Variants in CPAP observed in about 807,000 individuals in gnomAD.
CPAP encodes the protein centrosomal P4.1-associated protein.
chr13:24,895,960 CTGTAA>C, the CPAP span, among the ~76,000 whole-genome samples: 1 of 152,110 alleles, frequency 6.6e-6, no homozygotes, highest in Admixed American at 6.5e-5. Context: ...TTCAACATAA[CTGTAA>C]TGTAAAGGAA....
the CPAP span, among the ~76,000 whole-genome samples, chr13:24,897,136 G>A: frequency 6.6e-6 from 1 of 152,162 alleles, no homozygotes; most frequent in Non-Finnish European, 1.5e-5. Context: ...CAGCTACTTG[G>A]GGAGCTGAGG....
At chr13:24,907,872 C>T in the CPAP span, 1 of 655,176 alleles carries the variant, frequency 1.5e-6, no homozygotes. Context: ...GTTGACAGTA[C>T]ATAATAGGTT....
the CPAP span, chr13:24,889,044 T>G: frequency 2.3e-6 from 1 of 440,032 alleles, no homozygotes; most frequent in African/African-American, 2.0e-5. Context: ...ATGCTTGCCC[T>G]CAAAAAGTTT....
chr13:24,892,919 T>A, the CPAP span: 1 of 1,273,278 alleles, frequency 7.9e-7, no homozygotes, highest in Non-Finnish European at 1.1e-6. Flanking sequence ...TTACCAGAAT[T>A]AAAACAATAG....
chr13:24,925,485 C>T, the CPAP span, among the ~76,000 whole-genome samples: 4 of 152,176 alleles, frequency 2.6e-5, no homozygotes, highest in Admixed American at 1.3e-4. Context: ...TGGTGTGCAC[C>T]TGTAGCCCTA....
chr13:24,905,867 C>A, the CPAP span: 1 of 1,614,136 alleles, frequency 6.2e-7, no homozygotes, highest in Non-Finnish European at 8.5e-7. Flanking sequence ...GCTGCTGATG[C>A]CCCTCTCTCT....
the CPAP span, among the ~76,000 whole-genome samples, chr13:24,918,659 T>C: frequency 1.3e-5 from 2 of 152,232 alleles, no homozygotes; most frequent in African/African-American, 4.8e-5. Context: ...TGAATCATCA[T>C]AAAGGTATTC....
the CPAP span, among the ~76,000 whole-genome samples, chr13:24,930,118 C>G: frequency 6.6e-6 from 1 of 151,708 alleles, no homozygotes; most frequent in African/African-American, 2.4e-5. Context: ...CGCTATGTTG[C>G]CAAGGCAAAC....
chr13:24,915,785 G>C, the CPAP span, among the ~76,000 whole-genome samples: 1 of 151,712 alleles, frequency 6.6e-6, no homozygotes, highest in South Asian at 2.1e-4. Context: ...GGCAACAAGT[G>C]CAAGACTCCA....
the CPAP span, among the ~76,000 whole-genome samples, chr13:24,891,474 G>A: frequency 7.2e-5 from 11 of 152,130 alleles, no homozygotes; most frequent in South Asian, 2.1e-4. Context: ...CCCTTCTTGC[G>A]GTTGCTCCTA....
chr13:24,919,107 T>C, the CPAP span, among the ~76,000 whole-genome samples: 1 of 152,212 alleles, frequency 6.6e-6, no homozygotes, highest in South Asian at 2.1e-4. Context: ...ATAGGTTATC[T>C]GAGTTGAGGA....
At chr13:24,889,412 G>C in the CPAP span, 1 of 1,558,042 alleles carries the variant, frequency 6.4e-7, no homozygotes, top group Non-Finnish European at 8.8e-7. Flanking sequence ...TATAGTATAA[G>C]AGATAATTTT....
the CPAP span, among the ~76,000 whole-genome samples, chr13:24,897,690 A>C: frequency 2.8e-4 from 42 of 152,342 alleles, 1 homozygote; most frequent in South Asian, 5.0e-3. Context: ...GTTTAAAAAA[A>C]CATCATGAAT....
the CPAP span, among the ~76,000 whole-genome samples, chr13:24,933,732 T>A: frequency 6.8e-6 from 1 of 146,014 alleles, no homozygotes; most frequent in Non-Finnish European, 1.5e-5. Flanking sequence ...CTCTTCTTCT[T>A]TTTTTTTTTT....
At chr13:24,926,921 G>A in the CPAP span, among the ~76,000 whole-genome samples, 1 of 152,200 alleles carries the variant, frequency 6.6e-6, no homozygotes, top group Non-Finnish European at 1.5e-5. Context: ...CATGGGACAG[G>A]TCAGTGCTAG....
chr13:24,921,071 TA>T, the CPAP span, among the ~76,000 whole-genome samples: 1 of 152,176 alleles, frequency 6.6e-6, no homozygotes, highest in Non-Finnish European at 1.5e-5. Context: ...TATAGCCAAC[TA>T]AACAATCAAG....
chr13:24,931,489 C>T, the CPAP span, among the ~76,000 whole-genome samples: 6 of 151,894 alleles, frequency 4.0e-5, no homozygotes, highest in Non-Finnish European at 5.9e-5. Context: ...TCCCCAATCC[C>T]CTTGGTAATA....
the CPAP span, chr13:24,905,821 C>T: frequency 6.2e-7 from 1 of 1,614,076 alleles, no homozygotes; most frequent in Non-Finnish European, 8.5e-7. Context: ...CCTTAAAAGG[C>T]CCCTTATCAT....
At chr13:24,884,540 AC>A in the CPAP span, 12 of 1,439,912 alleles carry the variant, frequency 8.3e-6, no homozygotes, top group South Asian at 1.2e-5. Flanking sequence ...CCAACTGCCT[AC>A]TTTGAAATTT....
Sources: allele counts gnomAD v4.1 joint callset (sites outside exome capture counted in the v4.1 genomes callset), GRCh38; gene constraint gnomAD v4.1.1; transcripts MANE v1.5; gene names NCBI Gene and HGNC (gene_info 2026-07-23, HGNC 2026-07-21).